Variants in SCMH1 observed in about 807,000 individuals in gnomAD.
SCMH1 encodes polycomb protein SCMH1.
In SCMH1, 37 loss-of-function variants were observed where a neutral mutation model predicts 70.8. The ratio of observed to expected loss-of-function variants is 0.52; its 90% CI spans 0.40 to 0.69. SCMH1 has a LOEUF of 0.69. Ranked by LOEUF, SCMH1 falls within the 30% of genes least tolerant of loss-of-function variation. The pLI is 0.00. For missense variants in SCMH1, 607 were observed against 827.3 expected (o/e 0.73, Z 3.27); for synonymous variants, 292 against 307.4 (o/e 0.95, Z 0.52).
chr1:41,131,259 T>C (rs567610889), intron 6 of SCMH1, among the ~76,000 whole-genome samples: 12 of 152,334 alleles, frequency 7.9e-5, no homozygotes, highest in Middle Eastern at 6.8e-3. Flanking sequence ...ATGTCTGTCT[T>C]CATGCCAGAA....
intron 8 of SCMH1, among the ~76,000 whole-genome samples, chr1:41,109,194 T>C (rs969801480): frequency 2.1e-4 from 32 of 152,202 alleles, no homozygotes; most frequent in Non-Finnish European, 1.5e-5. Context: ...TGAGCTTCAG[T>C]TTTCTCATAA....
At chr1:41,186,171 T>A in exon 2 of SCMH1, 2 of 1,243,764 alleles carry the variant, frequency 1.6e-6, no homozygotes, top group Non-Finnish European at 2.3e-6. Flanking sequence ...GGTTAAGAAG[T>A]TTGGGATTTA....
intron 2 of SCMH1, among the ~76,000 whole-genome samples, chr1:41,176,110 G>A (rs1647102319): frequency 1.4e-5 from 2 of 140,264 alleles, no homozygotes; most frequent in Non-Finnish European, 3.0e-5. Context: ...ATATTCAAAA[G>A]CAACCAATGC....
intron 5 of SCMH1, among the ~76,000 whole-genome samples, chr1:41,147,357 A>C (rs527590947): frequency 6.6e-6 from 1 of 152,276 alleles, no homozygotes; most frequent in South Asian, 2.1e-4. Flanking sequence ...TTAGTCTTTC[A>C]CCATTAAGTA....
intron 8 of SCMH1, among the ~76,000 whole-genome samples, chr1:41,107,476 T>G (rs898111005): frequency 1.3e-5 from 2 of 151,860 alleles, no homozygotes; most frequent in Non-Finnish European, 2.9e-5. Flanking sequence ...TAAGTTGTAT[T>G]ATTCTTGCCT....
intron 11 of SCMH1, among the ~76,000 whole-genome samples, chr1:41,047,548 C>CA (rs1363300275): frequency 6.6e-6 from 1 of 152,070 alleles, no homozygotes; most frequent in African/African-American, 2.4e-5. Context: ...AGGCGTGCAC[C>CA]ACCATGCCTG....
At chr1:41,069,961 G>C (rs1486705509) in intron 10 of SCMH1, among the ~76,000 whole-genome samples, 5 of 152,200 alleles carry the variant, frequency 3.3e-5, no homozygotes, top group African/African-American at 4.8e-5. Context: ...AGAAGATGGA[G>C]TGTCTGCTGA....
chr1:41,099,781 T>C (rs1283511190), intron 8 of SCMH1, among the ~76,000 whole-genome samples: 1 of 152,184 alleles, frequency 6.6e-6, no homozygotes, highest in Non-Finnish European at 1.5e-5. Flanking sequence ...TATGGGCAAA[T>C]ACTATAAATC....
chr1:41,210,324 CA>C (rs1440348409), intron 1 of SCMH1, among the ~76,000 whole-genome samples: 2 of 152,176 alleles, frequency 1.3e-5, no homozygotes, highest in East Asian at 3.8e-4. Flanking sequence ...ATCAAGCTAC[CA>C]ATGACTTTCT....
intron 8 of SCMH1, among the ~76,000 whole-genome samples, chr1:41,094,872 G>C (rs369456125): frequency 6.6e-5 from 10 of 150,802 alleles, no homozygotes; most frequent in Admixed American, 1.3e-4. Flanking sequence ...CTGTGGAGCA[G>C]AGTGAGACTC....
At chr1:41,122,925 G>C (rs567478086) in intron 6 of SCMH1, among the ~76,000 whole-genome samples, 1 of 152,298 alleles carries the variant, frequency 6.6e-6, no homozygotes, top group African/African-American at 2.4e-5. Context: ...CTGGATTTAA[G>C]AGTGGAGCTG....
At chr1:41,041,852 CA>C (rs1646216254) in intron 12 of SCMH1, among the ~76,000 whole-genome samples, 1 of 152,122 alleles carries the variant, frequency 6.6e-6, no homozygotes, top group Non-Finnish European at 1.5e-5. Flanking sequence ...CTGAGAATCC[CA>C]AAACAGCAGA....
At chr1:41,213,943 T>C (rs543369727) in intron 1 of SCMH1, among the ~76,000 whole-genome samples, 24 of 152,178 alleles carry the variant, frequency 1.6e-4, no homozygotes, top group African/African-American at 5.8e-4. Context: ...CAAAGCTCAA[T>C]ACTGGGCAAT....
intron 1 of SCMH1, among the ~76,000 whole-genome samples, chr1:41,218,301 T>G (rs2148832531): frequency 6.6e-6 from 1 of 152,258 alleles, no homozygotes; most frequent in East Asian, 1.9e-4. Context: ...TTGCCCTTAC[T>G]TGGAAATAGG....
chr1:41,231,638 T>C (rs1661314885), intron 1 of SCMH1, among the ~76,000 whole-genome samples: 1 of 152,208 alleles, frequency 6.6e-6, no homozygotes, highest in Admixed American at 6.5e-5. Context: ...TGCTACATTA[T>C]ATTTAGTCAT....
At chr1:41,152,552 C>A (rs886977899) in intron 4 of SCMH1, 6 of 1,596,704 alleles carry the variant, frequency 3.8e-6, no homozygotes, top group African/African-American at 2.7e-5. Flanking sequence ...TTATCAAGTT[C>A]TTTATTTAAA....
At chr1:41,210,263 C>G (rs28786812) in intron 1 of SCMH1, among the ~76,000 whole-genome samples, 4 of 129,238 alleles carry the variant, frequency 3.1e-5, no homozygotes, top group African/African-American at 1.0e-4. Context: ...GAATCAATAT[C>G]GTGAAAATGG....
intron 10 of SCMH1, among the ~76,000 whole-genome samples, chr1:41,069,732 G>T (rs1655830105): frequency 6.6e-6 from 1 of 152,134 alleles, no homozygotes; most frequent in Non-Finnish European, 1.5e-5. Flanking sequence ...GTGAATCAAG[G>T]CCCACTCAAG....
chr1:41,217,845 T>G (rs1658435683), intron 1 of SCMH1, among the ~76,000 whole-genome samples: 1 of 152,234 alleles, frequency 6.6e-6, no homozygotes, highest in South Asian at 2.1e-4. Flanking sequence ...ATTCTCAGGC[T>G]CTGAAATCTA....
Sources: allele counts gnomAD v4.1 joint callset (sites outside exome capture counted in the v4.1 genomes callset), GRCh38; gene constraint gnomAD v4.1.1; transcripts MANE v1.5; gene names NCBI Gene and HGNC (gene_info 2026-07-23, HGNC 2026-07-21).